The following PAQR5 variants were observed in gnomAD, a reference collection of about 807,000 sequenced individuals.
PAQR5 encodes progestin and adipoQ receptor family member 5, also known as membrane progestin receptor gamma.
A neutral mutation model predicts 34.5 loss-of-function variants in PAQR5; 20 were observed. The ratio of observed to expected loss-of-function variants is 0.58; its 90% CI spans 0.41 to 0.84. PAQR5 has a LOEUF of 0.84. Ranked by LOEUF, PAQR5 falls within the 40% of genes least tolerant of loss-of-function variation. The pLI, the probability that PAQR5 is intolerant of heterozygous loss-of-function variation, is 0.00. For missense variants in PAQR5, 378 were observed against 412.7 expected, an observed-to-expected ratio of 0.92 and a Z score of 0.73; for synonymous variants, 131 against 155.6, an observed-to-expected ratio of 0.84 and a Z score of 1.18.
intron 6 of PAQR5, chr15:69,397,103 A>AT: frequency 1.0e-5 from 4 of 386,618 alleles, no homozygotes; most frequent in Non-Finnish European, 2.1e-5. Flanking sequence ...GGATCCCCCG[A>AT]TTCCCCCTAC....
At chr15:69,356,303 G>A (rs746321107) in intron 2 of PAQR5, among the ~76,000 whole-genome samples, 1 of 152,100 alleles carries the variant, frequency 6.6e-6, no homozygotes, top group Non-Finnish European at 1.5e-5. Context: ...GAGTGTGCAC[G>A]GCTTGGTGAT....
intron 3 of PAQR5, among the ~76,000 whole-genome samples, chr15:69,362,873 A>T (rs952425151): frequency 4.0e-5 from 6 of 151,440 alleles, no homozygotes; most frequent in African/African-American, 1.5e-4. Flanking sequence ...ATCCCTCCCC[A>T]CCTCTTCCAC....
chr15:69,367,543 C>G (rs1354499), intron 3 of PAQR5, among the ~76,000 whole-genome samples: 129,732 of 152,192 alleles, frequency 0.85, 57,093 homozygotes, highest in South Asian at 0.98. Flanking sequence ...GCCCCCTCTG[C>G]AACGTGCAGC....
intron 4 of PAQR5, among the ~76,000 whole-genome samples, chr15:69,380,840 G>A (rs2055864719): frequency 6.6e-6 from 1 of 152,236 alleles, no homozygotes; most frequent in African/African-American, 2.4e-5. Context: ...ACGTCATGCA[G>A]GGGCGCCGTG....
At chr15:69,318,656 A>G (rs1245360156) in intron 1 of PAQR5, among the ~76,000 whole-genome samples, 1 of 151,882 alleles carries the variant, frequency 6.6e-6, no homozygotes, top group Non-Finnish European at 1.5e-5. Flanking sequence ...AGTCCCCCTT[A>G]TCTGCAAGGG....
intron 1 of PAQR5, among the ~76,000 whole-genome samples, chr15:69,334,696 G>A (rs922929816): frequency 6.6e-6 from 1 of 152,204 alleles, no homozygotes; most frequent in South Asian, 2.1e-4. Context: ...TGGAGAATGC[G>A]TTTTACATAC....
In PAQR5 at chr15:69,405,661, A is replaced by G. The variant is rs1002025608; in HGVS notation, c.*1839A>G. On this transcript the variant is annotated 3_prime_UTR_variant, in exon 9 of 9. Coordinates refer to ENST00000395407, the MANE Select transcript of PAQR5 (RefSeq NM_017705.4). Reference sequence around the variant, plus strand: ...TAAATACCCCTTTCTAGTAATGCCAAAGACATACAGTGTTTTACATTCTCT... The same window carrying G: ...TAAATACCCCTTTCTAGTAATGCCAGAGACATACAGTGTTTTACATTCTCT... The G allele has an allele frequency of 5.9e-5, 9 of 152,220 alleles. No homozygotes were observed. The highest frequency in any genetic ancestry group is 2.2e-4 in the African/African-American group (9 of 41,446). The allele number at this position is 152,220 out of a possible 1,614,324, so 9.4% of individuals were successfully genotyped here. A position where few individuals can be genotyped will look rare whatever the true frequency, so the allele number is the denominator to read the frequency against.
chr15:69,300,704 CTTTCTT>C (rs372649871), intron 1 of PAQR5, among the ~76,000 whole-genome samples: 3,054 of 28,592 alleles, frequency 0.11, 1,086 homozygotes, highest in Non-Finnish European at 0.12. Context: ...CTCTCTCTCT[CTTTCTT>C]TCTTTCTTTC....
In PAQR5 at chr15:69,335,542, G is replaced by GTTTT. The variant is rs56712868; in HGVS notation, c.-276-1777_-276-1774dup. 6.2e-3 allele frequency among the ~76,000 whole-genome samples: 378 copies of GTTTT among 61,100 alleles called. 12 individuals carry two copies. The highest frequency in any genetic ancestry group is 0.012 in the East Asian group (23 of 1,916). 40.1% of individuals were successfully genotyped at this position (61,100 alleles called of 152,430 possible). A position where few individuals can be genotyped will look rare whatever the true frequency, so the allele number is the denominator to read the frequency against. The stretch of plus-strand genomic sequence containing the variant: ...TTACAGGTGTGAGCCACCGCATCCA[G>GTTTT]TTTTTTTTTTTTTTTTTTTTTTTTT... On this transcript the variant is annotated intron_variant, in intron 1 of 8. Coordinates refer to ENST00000395407, the MANE Select transcript of PAQR5 (RefSeq NM_017705.4).
intron 1 of PAQR5, among the ~76,000 whole-genome samples, chr15:69,310,428 T>C (rs2053805207): frequency 6.6e-6 from 1 of 152,220 alleles, no homozygotes; most frequent in South Asian, 2.1e-4. Flanking sequence ...CACACCAATA[T>C]TTGCCAATCT....
intron 1 of PAQR5, among the ~76,000 whole-genome samples, chr15:69,316,209 T>C (rs1220901614): frequency 1.3e-5 from 2 of 152,140 alleles, no homozygotes; most frequent in Admixed American, 6.5e-5. Context: ...GTCTCCAGAA[T>C]AGCTGGAATT....
chr15:69,379,688 G>A (rs2055825333), intron 3 of PAQR5, 195 bp from the exon 4 acceptor site: 1 of 826,878 alleles, frequency 1.2e-6, no homozygotes, highest in South Asian at 5.5e-5. Flanking sequence ...CCAGCTAGCT[G>A]GAGGCTTCTT....
chr15:69,399,485 T>C (rs888448273), intron 7 of PAQR5, among the ~76,000 whole-genome samples: 1 of 152,204 alleles, frequency 6.6e-6, no homozygotes, highest in African/African-American at 2.4e-5. Context: ...CAGGAGGCTA[T>C]TAGTAATTAA....
chr15:69,375,687 TA>T (rs1449297023), intron 3 of PAQR5, among the ~76,000 whole-genome samples: 1 of 152,152 alleles, frequency 6.6e-6, no homozygotes, highest in Non-Finnish European at 1.5e-5. Flanking sequence ...AGAACTTGAA[TA>T]AATGCCCTAA....
intron 1 of PAQR5, 45 bp from the exon 2 acceptor site, chr15:69,337,296 G>C (rs983357417): frequency 1.3e-5 from 2 of 152,198 alleles, no homozygotes; most frequent in East Asian, 3.8e-4. Context: ...TGGCAGTATA[G>C]TTAATTACAT....
At chr15:69,325,798 C>T (rs548436916) in intron 1 of PAQR5, among the ~76,000 whole-genome samples, 1 of 152,246 alleles carries the variant, frequency 6.6e-6, no homozygotes, top group Admixed American at 6.5e-5. Context: ...CCTCATCTAC[C>T]TCTCCACCCA....
intron 2 of PAQR5, among the ~76,000 whole-genome samples, chr15:69,343,060 G>A (rs916943305): frequency 6.6e-6 from 1 of 152,186 alleles, no homozygotes; most frequent in African/African-American, 2.4e-5. Flanking sequence ...TGTCTGAAAT[G>A]CCTTTAACAA....
intron 1 of PAQR5, among the ~76,000 whole-genome samples, chr15:69,328,714 G>T (rs2054309041): frequency 6.6e-6 from 1 of 152,170 alleles, no homozygotes; most frequent in South Asian, 2.1e-4. Flanking sequence ...CCTCCTTAGG[G>T]CCCTGCCAGG....
At chr15:69,401,794 T>C (rs2056635928) in intron 8 of PAQR5, among the ~76,000 whole-genome samples, 1 of 152,286 alleles carries the variant, frequency 6.6e-6, no homozygotes, top group South Asian at 2.1e-4. Flanking sequence ...TGCTCAATCT[T>C]CCTAACTCTG....
Sources: gnomAD v4.1 joint callset for allele counts (sites outside exome capture counted in the v4.1 genomes callset) on GRCh38, gnomAD v4.1.1 for gene constraint, MANE v1.5 for transcripts, NCBI Gene and HGNC (gene_info 2026-07-23, HGNC 2026-07-21) for gene names.